Variants in GLB1L3 observed in about 807,000 individuals in gnomAD.
GLB1L3 encodes the protein galactosidase beta 1 like 3, also known as beta-galactosidase-1-like protein 3.
Under a neutral mutation model 89.5 loss-of-function variants are expected in GLB1L3, and 89 were observed. The ratio of observed to expected loss-of-function variants is 0.99; its 90% CI spans 0.84 to 1.19. The LOEUF (loss-of-function observed/expected upper bound fraction) is 1.19, where lower values mean the gene tolerates loss of function less well. GLB1L3 is among the 50% of genes most tolerant of loss of function. GLB1L3 has a pLI of 0.00. For missense variants in GLB1L3, 812 were observed against 813.3 expected, an observed-to-expected ratio of 1.00 and a Z score of 0.02; for synonymous variants, 314 against 312.3, an observed-to-expected ratio of 1.01 and a Z score of -0.06.
At chr11:134,282,185 T>C in intron 5 of GLB1L3, 65 bp downstream of exon 5, 1 of 1,464,578 alleles carries the variant, frequency 6.8e-7, no homozygotes, top group South Asian at 1.4e-5. Flanking sequence ...AAAAGTGAAT[T>C]TCAAGCTAGT....
At chr11:134,312,951 C>A in intron 15 of GLB1L3, 64 bp downstream of exon 15, 1 of 1,124,746 alleles carries the variant, frequency 8.9e-7, no homozygotes, top group Non-Finnish European at 1.3e-6. Flanking sequence ...GAGCCTGGTC[C>A]TGAGACAGTC....
At chr11:134,321,883 C>T (rs1025473149), downstream of GLB1L3, among the ~76,000 whole-genome samples, 9 of 151,280 alleles carry the variant, frequency 5.9e-5, no homozygotes, top group South Asian at 2.1e-4. Context: ...CAAACCTGCA[C>T]GTTGTGCACA....
intron 9 of GLB1L3, among the ~76,000 whole-genome samples, chr11:134,298,818 T>C (rs914876816): frequency 2.6e-4 from 39 of 152,312 alleles, no homozygotes; most frequent in African/African-American, 9.4e-4. Context: ...AATGGACTAA[T>C]ACAATTACAT....
chr11:134,323,692 A>G (rs1035978716), downstream of GLB1L3, among the ~76,000 whole-genome samples: 1 of 152,208 alleles, frequency 6.6e-6, no homozygotes. Flanking sequence ...GGCCATATCA[A>G]TGGATTTACT....
chr11:134,308,515 CACCATGTCCACCACCACT>C, intron 10 of GLB1L3, among the ~76,000 whole-genome samples: 3 of 107,390 alleles, frequency 2.8e-5, no homozygotes, highest in South Asian at 3.3e-4. Flanking sequence ...CCACCACCAC[CACCATGTCCACCACCACT>C]ACCACCACCA....
In GLB1L3 at chr11:134,311,183, T is replaced by G; in HGVS notation, c.1287+13T>G. Reference sequence around the variant, plus strand: ...CTACTTAAATGAGGTGCGTGCTGCCTGGCCACAGGAGGCGGAGTGGCCATT... The same window carrying G: ...CTACTTAAATGAGGTGCGTGCTGCCGGGCCACAGGAGGCGGAGTGGCCATT... On this transcript the variant is annotated intron_variant, in intron 13 of 19. Coordinates refer to ENST00000431683, the MANE Select transcript of GLB1L3 (RefSeq NM_001080407.3). 6.2e-7 allele frequency: 1 copy of G among 1,601,368 alleles called. No homozygotes were observed. The highest frequency in any genetic ancestry group is 8.6e-7 in the Non-Finnish European group (1 of 1,168,576).
At chr11:134,310,408 T>C in intron 11 of GLB1L3, 163 bp from the exon 12 acceptor site, 1 of 593,996 alleles carries the variant, frequency 1.7e-6, no homozygotes, top group South Asian at 2.0e-5. Context: ...CCAGGAAGAG[T>C]TGTGGGGAAT....
chr11:134,293,190 A>G lies in GLB1L3; in HGVS notation c.857A>G (p.Asn286Ser), dbSNP rs375717549. 36 of 1,613,818 alleles carry G rather than the reference A, an allele frequency of 2.2e-5. No individual in the cohort carries two copies. Among genetic ancestry groups the G allele is most frequent in the Non-Finnish European group, 3.0e-5 (35 of 1,179,750 alleles). ...CAAAAACTTCACCAGGATACTTTCA[A>G]TCAGCTTCATAAAGTCCAGGTAAGA... ...NLQKLHQDTF[N>S]QLHKVQRDKP... The change falls in exon 9 of 20, where the codon AAT (asparagine) becomes AGT (serine). Residue 286 changes from asparagine to serine, a missense_variant. By Grantham distance (46) the Asn-to-Ser change is conservative. Around this residue, in one of 3 missense-constraint regions of GLB1L3, gnomAD observed 618 missense variants for 604.0 expected, o/e 1.02. Transcript: ENST00000431683.
chr11:134,312,042 C>T lies in GLB1L3; in HGVS notation c.1288-307C>T, dbSNP rs374607027. 8 of 244,260 alleles carry T rather than the reference C, an allele frequency of 3.3e-5. No individual in the cohort carries two copies. The East Asian group carries it at 7.1e-4, about 22-fold the overall frequency. The allele number at this position is 244,260 out of a possible 1,614,324, so 15.1% of individuals were successfully genotyped here. A position where few individuals can be genotyped will look rare whatever the true frequency, so the allele number is the denominator to read the frequency against. Reference sequence around the variant, plus strand: ...AAACTCCTGGCCTCAAGTGATGCACCTGCTGCGGCCTCCCAAAGTGCTGGG... The same window carrying T: ...AAACTCCTGGCCTCAAGTGATGCACTTGCTGCGGCCTCCCAAAGTGCTGGG... On this transcript the variant is annotated intron_variant, in intron 13 of 19. Coordinates refer to ENST00000431683, the MANE Select transcript of GLB1L3 (RefSeq NM_001080407.3).
chr11:134,309,673 A>G lies in GLB1L3; in HGVS notation c.1009A>G (p.Asn337Asp). The G allele has an allele frequency of 6.2e-7, 1 of 1,612,170 alleles. No homozygotes were observed. Among genetic ancestry groups the G allele is most frequent in the Non-Finnish European group, 8.5e-7 (1 of 1,178,904 alleles). ...ATTCATCAAATATGAGATCTCCTTC[A>G]ATGTATATATGTTCCATGGTGGAAC... ...SEFIKYEISF[N>D]VYMFHGGTNF... The change falls in exon 11 of 20, where the codon AAT (asparagine) becomes GAT (aspartate). Residue 337 changes from asparagine to aspartate, a missense_variant. Asn to Asp is a conservative substitution (Grantham distance 23). Coordinates refer to ENST00000431683, the MANE Select transcript of GLB1L3 (RefSeq NM_001080407.3).
chr11:134,308,259 CCACCACCACCACCACCACCACCAAA>C (rs1942359374), intron 10 of GLB1L3, among the ~76,000 whole-genome samples: 1 of 31,466 alleles, frequency 3.2e-5, no homozygotes, highest in Non-Finnish European at 6.2e-5. Context: ...ACCATCACCA[CCACCACCACCACCACCACCACCAAA>C]TACCACCACC....
intron 5 of GLB1L3, among the ~76,000 whole-genome samples, 182 bp downstream of exon 5, chr11:134,282,302 G>A (rs568700122): frequency 3.9e-5 from 6 of 152,144 alleles, no homozygotes; most frequent in Non-Finnish European, 5.9e-5. Context: ...CTGCGGTGGC[G>A]GGGGGCGGGG....
chr11:134,318,912 T>C lies in GLB1L3; in HGVS notation c.1932T>C (p.Asp644=), dbSNP rs557598030. 3.1e-6 allele frequency: 5 copies of C among 1,613,604 alleles called. No individual in the cohort carries two copies. The South Asian group carries it at 5.5e-5, about 18-fold the overall frequency. Residue 644 remains aspartate, a synonymous_variant, in exon 20 of 20, where the codon GAT becomes GAC. Transcript: ENST00000431683. ...ILFEKMMSGS[D]IKSTDKPTL ...TTGAGAAGATGATGAGTGGCTCAGA[T>C]ATCAAATCTACAGACAAGCCCACGC...
intron 14 of GLB1L3, 78 bp downstream of exon 14, chr11:134,312,567 G>A (rs1942788319): frequency 2.0e-6 from 3 of 1,533,990 alleles, no homozygotes; most frequent in Non-Finnish European, 2.6e-6. Flanking sequence ...GTTGACTGAA[G>A]GATGCACGTT....
Position 134,307,188 on chromosome 11 carries a change from A to C in GLB1L3, c.941A>C (p.His314Pro). 6.2e-7 allele frequency: 1 copy of C among 1,613,300 alleles called. No individual in the cohort carries two copies. The change falls in exon 10 of 20, where the codon CAC (histidine) becomes CCC (proline). Residue 314 changes from histidine to proline, a missense_variant. Transcript: ENST00000431683. ...TGGTTCGACAGATGGGGAGATAAGC[A>C]CCATGTTAAAGATGCAAAGGGTGAG... ...VGWFDRWGDKHHVKDAKEVEH... is the reference protein window; with the variant it reads ...VGWFDRWGDKPHVKDAKEVEH...
Position 134,283,748 on chromosome 11 carries a change from A to C in GLB1L3, c.539A>C (p.Gln180Pro). ...CCTCTTGCCCCCAGCTGGCTCCTGC[A>C]AGACCCCCGGTTACTGTTGAGGACA... ...DLGGLPSWLL[Q>P]DPRLLLRTTN... The change falls in exon 6 of 20, where the codon CAA becomes CCA. Residue 180 changes from glutamine (Q) to proline (P), a missense_variant. This residue lies in a region of GLB1L3 where 618 missense variants were observed against 604.0 expected (regional missense o/e 1.02). Coordinates refer to ENST00000431683, the MANE Select transcript of GLB1L3 (RefSeq NM_001080407.3). 1 of 1,611,194 alleles carries C rather than the reference A, an allele frequency of 6.2e-7. No individual in the cohort carries two copies. The highest frequency in any genetic ancestry group is 8.5e-7 in the Non-Finnish European group (1 of 1,178,410).
intron 2 of GLB1L3, 37 bp downstream of exon 2, chr11:134,277,488 AG>A: frequency 6.2e-7 from 1 of 1,602,516 alleles, no homozygotes; most frequent in Non-Finnish European, 8.5e-7. Flanking sequence ...GAGGGAGGGG[AG>A]CGATCTCTCC....
downstream of GLB1L3, among the ~76,000 whole-genome samples, chr11:134,323,499 C>T (rs1245265519): frequency 2.6e-5 from 4 of 152,052 alleles, no homozygotes; most frequent in Admixed American, 6.5e-5. Context: ...CGCTTGAACC[C>T]GGGAGGCGGA....
intron 9 of GLB1L3, among the ~76,000 whole-genome samples, chr11:134,300,707 T>C (rs1941904557): frequency 6.6e-6 from 1 of 152,150 alleles, no homozygotes; most frequent in African/African-American, 2.4e-5. Flanking sequence ...TTGCAGATGG[T>C]CACCTTCTTA....
Sources: allele counts gnomAD v4.1 joint callset (sites outside exome capture counted in the v4.1 genomes callset), GRCh38; gene constraint gnomAD v4.1.1; regional missense constraint gnomAD v4.1.1; transcripts MANE v1.5; gene names NCBI Gene and HGNC (gene_info 2026-07-23, HGNC 2026-07-21).